Variants in CPAP observed in about 807,000 individuals in gnomAD.
CPAP encodes centrosomal P4.1-associated protein.
At chr13:24,893,498 C>A in the CPAP span, among the ~76,000 whole-genome samples, 2 of 152,238 alleles carry the variant, frequency 1.3e-5, no homozygotes. Flanking sequence ...CCGGCCCATG[C>A]CCCTGCACCT....
At chr13:24,906,128 C>T in the CPAP span, 1 of 1,613,166 alleles carries the variant, frequency 6.2e-7, no homozygotes, top group Non-Finnish European at 8.5e-7. Flanking sequence ...CAAATCCTCA[C>T]TGCGGTTACA....
the CPAP span, among the ~76,000 whole-genome samples, chr13:24,902,754 T>G: frequency 2.0e-5 from 3 of 152,140 alleles, no homozygotes; most frequent in Non-Finnish European, 4.4e-5. Flanking sequence ...CTCTGGACAC[T>G]AACGAAAGAC....
chr13:24,894,378 C>T, the CPAP span, among the ~76,000 whole-genome samples: 1 of 152,158 alleles, frequency 6.6e-6, no homozygotes, highest in African/African-American at 2.4e-5. Context: ...AGAGAAGCCT[C>T]GAGAATGATT....
At chr13:24,922,257 C>A in the CPAP span, among the ~76,000 whole-genome samples, 62 of 152,146 alleles carry the variant, frequency 4.1e-4, no homozygotes, top group African/African-American at 1.4e-3. Flanking sequence ...ATACAAACAG[C>A]AAATTCAAAG....
the CPAP span, chr13:24,906,460 A>C: frequency 1.1e-5 from 17 of 1,614,200 alleles, no homozygotes; most frequent in Non-Finnish European, 1.4e-5. Context: ...TTGAAAGAGG[A>C]AGTCTGTCTT....
At chr13:24,888,034 C>G in the CPAP span, among the ~76,000 whole-genome samples, 1 of 152,080 alleles carries the variant, frequency 6.6e-6, no homozygotes. Context: ...GGTGGTAACC[C>G]GAGTATTTGC....
chr13:24,916,871 T>C, the CPAP span, among the ~76,000 whole-genome samples: 96,781 of 152,120 alleles, frequency 0.64, 31,195 homozygotes, highest in East Asian at 0.72. Context: ...TTTACTGATA[T>C]GGAAGTAGTG....
the CPAP span, chr13:24,912,161 A>G: frequency 1.6e-6 from 2 of 1,238,624 alleles, no homozygotes; most frequent in African/African-American, 1.5e-5. Context: ...CCCTCCTCCT[A>G]TCTTTCCTGG....
chr13:24,919,116 G>C, the CPAP span, among the ~76,000 whole-genome samples: 1 of 152,114 alleles, frequency 6.6e-6, no homozygotes, highest in Admixed American at 6.6e-5. Flanking sequence ...CTGAGTTGAG[G>C]AAATTTTGTT....
chr13:24,899,696 A>G, the CPAP span: 1 of 805,710 alleles, frequency 1.2e-6, no homozygotes, highest in Non-Finnish European at 2.1e-6. Flanking sequence ...TCTTCAATCC[A>G]TAGGCCTGAA....
At chr13:24,921,964 G>C in the CPAP span, among the ~76,000 whole-genome samples, 3 of 152,068 alleles carry the variant, frequency 2.0e-5, no homozygotes, top group Non-Finnish European at 4.4e-5. Context: ...CTTGGTAAAG[G>C]GAGCATTGAT....
the CPAP span, among the ~76,000 whole-genome samples, chr13:24,894,366 C>T: frequency 6.6e-6 from 1 of 152,184 alleles, no homozygotes; most frequent in South Asian, 2.1e-4. Context: ...AATGGAAGAG[C>T]AAGAGAAGCC....
chr13:24,909,924 A>G, the CPAP span: 1 of 1,614,132 alleles, frequency 6.2e-7, no homozygotes, highest in Non-Finnish European at 8.5e-7. Context: ...AGTTCTACAG[A>G]AGTTGCTTTG....
the CPAP span, among the ~76,000 whole-genome samples, chr13:24,884,995 A>G: frequency 1.0e-3 from 153 of 152,334 alleles, no homozygotes; most frequent in African/African-American, 3.3e-3. Flanking sequence ...GGAGATGAGG[A>G]GAGAGGTCCC....
At chr13:24,905,709 CTT>C in the CPAP span, 1 of 1,614,168 alleles carries the variant, frequency 6.2e-7, no homozygotes. Context: ...GGCTCAGACA[CTT>C]TATGTTTTAT....
At chr13:24,902,374 C>A in the CPAP span, among the ~76,000 whole-genome samples, 1 of 152,056 alleles carries the variant, frequency 6.6e-6, no homozygotes, top group Non-Finnish European at 1.5e-5. Flanking sequence ...GGGTGGAGAA[C>A]GGATTGGAAT....
chr13:24,892,069 T>C, the CPAP span, among the ~76,000 whole-genome samples: 2 of 152,354 alleles, frequency 1.3e-5, no homozygotes, highest in Non-Finnish European at 2.9e-5. Context: ...ATTACAGTCT[T>C]TCTTCCACCA....
the CPAP span, chr13:24,892,782 C>T: frequency 1.9e-6 from 3 of 1,613,750 alleles, no homozygotes; most frequent in South Asian, 3.3e-5. Flanking sequence ...TTGTATCTGG[C>T]TTCTGAGACG....
chr13:24,913,126 T>C, the CPAP span: 1 of 1,023,882 alleles, frequency 9.8e-7, no homozygotes. Flanking sequence ...ATGTATTAGG[T>C]AAAGCCATTA....
Sources: gnomAD v4.1 joint callset for allele counts (sites outside exome capture counted in the v4.1 genomes callset) on GRCh38, gnomAD v4.1.1 for gene constraint, MANE v1.5 for transcripts, NCBI Gene and HGNC (gene_info 2026-07-23, HGNC 2026-07-21) for gene names.